Variants in LRRC4C observed in about 807,000 individuals in gnomAD.
LRRC4C encodes leucine rich repeat containing 4C.
In LRRC4C, 5 loss-of-function variants were observed where a neutral mutation model predicts 33.6. The ratio of observed to expected loss-of-function variants is 0.15; its 90% confidence interval spans 0.08 to 0.31. LRRC4C has a LOEUF of 0.31. Ranked by LOEUF, LRRC4C falls within the 10% of genes least tolerant of loss-of-function variation. The probability of loss-of-function intolerance (pLI) is 1.00; values close to 1 mark genes in which losing one functional copy is unlikely to be tolerated. For missense variants in LRRC4C, 560 were observed against 796.7 expected, an observed-to-expected ratio of 0.70 and a Z score of 3.58; for synonymous variants, 329 against 302.0, an observed-to-expected ratio of 1.09 and a Z score of -0.93.
intron 3 of LRRC4C, among the ~76,000 whole-genome samples, chr11:40,576,570 C>T (rs1261127529): frequency 1.3e-5 from 2 of 152,294 alleles, no homozygotes; most frequent in East Asian, 3.9e-4. Flanking sequence ...GTTTTCATGA[C>T]AGCTCAACGT....
intron 5 of LRRC4C, among the ~76,000 whole-genome samples, chr11:40,200,784 A>AAAG (rs1862677299): frequency 2.5e-5 from 2 of 78,440 alleles, no homozygotes; most frequent in South Asian, 4.9e-4. Context: ...AAAAAAAAAA[A>AAAG]AAAAGAAAAG....
At chr11:41,176,959 C>T (rs971207759) in intron 1 of LRRC4C, among the ~76,000 whole-genome samples, 1 of 149,460 alleles carries the variant, frequency 6.7e-6, no homozygotes, top group East Asian at 2.0e-4. Context: ...AGTAATACTC[C>T]ATCTCTATAA....
At chr11:40,482,225 GA>G (rs1039521507) in intron 3 of LRRC4C, among the ~76,000 whole-genome samples, 4 of 152,072 alleles carry the variant, frequency 2.6e-5, no homozygotes, top group Non-Finnish European at 4.4e-5. Context: ...AATGACAGGT[GA>G]AAAAAACAAA....
chr11:41,262,531 A>G (rs1444717380), intron 1 of LRRC4C, among the ~76,000 whole-genome samples: 1 of 152,144 alleles, frequency 6.6e-6, no homozygotes, highest in Non-Finnish European at 1.5e-5. Flanking sequence ...CTGCACGGAC[A>G]TAACTTTTTT....
chr11:40,706,853 C>A (rs540061964), intron 2 of LRRC4C, among the ~76,000 whole-genome samples: 16 of 152,116 alleles, frequency 1.1e-4, no homozygotes, highest in Non-Finnish European at 1.9e-4. Flanking sequence ...ATGGAATGTT[C>A]TTCCATTTGT....
intron 2 of LRRC4C, among the ~76,000 whole-genome samples, chr11:40,776,524 G>A (rs533878227): frequency 6.6e-6 from 1 of 151,918 alleles, no homozygotes; most frequent in Non-Finnish European, 1.5e-5. Context: ...GCATAGAGGT[G>A]TTCATAATAG....
At chr11:41,356,713 T>A (rs1464920568) in intron 1 of LRRC4C, among the ~76,000 whole-genome samples, 5 of 152,160 alleles carry the variant, frequency 3.3e-5, no homozygotes, top group African/African-American at 1.2e-4. Flanking sequence ...CTGATATCAT[T>A]GGTCTAAGCT....
At chr11:40,972,615 T>C (rs1851802201) in intron 1 of LRRC4C, among the ~76,000 whole-genome samples, 1 of 152,102 alleles carries the variant, frequency 6.6e-6, no homozygotes, top group Non-Finnish European at 1.5e-5. Flanking sequence ...CTGAAGAAAC[T>C]TACAATTACG....
intron 1 of LRRC4C, among the ~76,000 whole-genome samples, chr11:41,446,298 A>G (rs1955824584): frequency 6.6e-6 from 1 of 152,240 alleles, no homozygotes; most frequent in Non-Finnish European, 1.5e-5. Context: ...ATTCTCTGTA[A>G]TAAACCACCT....
intron 1 of LRRC4C, among the ~76,000 whole-genome samples, chr11:41,192,900 T>C (rs1236055575): frequency 6.6e-6 from 1 of 152,070 alleles, no homozygotes; most frequent in Non-Finnish European, 1.5e-5. Context: ...AGTCCCGAGA[T>C]GCCATTAAGA....
chr11:40,590,825 G>A (rs1450713433), intron 3 of LRRC4C, among the ~76,000 whole-genome samples: 2 of 130,270 alleles, frequency 1.5e-5, no homozygotes, highest in East Asian at 4.4e-4. Flanking sequence ...TGAGGAGGCA[G>A]TCTGCCCATT....
At chr11:40,271,834 TA>T (rs983908639) in intron 4 of LRRC4C, among the ~76,000 whole-genome samples, 2 of 152,168 alleles carry the variant, frequency 1.3e-5, no homozygotes, top group Non-Finnish European at 1.5e-5. Context: ...AGACACATAG[TA>T]ACATTTTATT....
chr11:40,888,116 T>C (rs1256034020), intron 2 of LRRC4C, among the ~76,000 whole-genome samples: 1 of 151,962 alleles, frequency 6.6e-6, no homozygotes, highest in African/African-American at 2.4e-5. Context: ...GTTAGTTAAG[T>C]AGCTTAAAAC....
intron 3 of LRRC4C, among the ~76,000 whole-genome samples, chr11:40,554,797 C>G (rs1957269051): frequency 1.6e-5 from 2 of 127,778 alleles, no homozygotes; most frequent in African/African-American, 3.4e-5. Context: ...TGTCGGCTCA[C>G]TGCAAGCTCC....
intron 1 of LRRC4C, among the ~76,000 whole-genome samples, chr11:41,432,600 G>GA (rs1955277684): frequency 1.3e-5 from 2 of 151,978 alleles, no homozygotes; most frequent in African/African-American, 4.8e-5. Context: ...GAAAATAGTA[G>GA]AAAAATAAAG....
intron 2 of LRRC4C, among the ~76,000 whole-genome samples, chr11:40,855,313 C>T (rs1014656973): frequency 1.3e-5 from 2 of 152,162 alleles, no homozygotes; most frequent in African/African-American, 2.4e-5. Context: ...TAATGAAAAA[C>T]CCAATGAAAT....
Position 40,976,648 on chromosome 11 carries a change from G to T in LRRC4C, c.-495-42925C>A, listed in dbSNP as rs141493913. On this transcript the variant is annotated intron_variant, in intron 1 of 6. Coordinates refer to ENST00000528697, the MANE Select transcript of LRRC4C (RefSeq NM_001258419.2). ...TAACAAAATGTGATTTTTGTGGAAT[G>T]GCAGAGGTTTTCTACAGTGTTTTAT... Among the ~76,000 whole-genome samples the T allele has an allele frequency of 2.0e-5, 3 of 152,284 alleles. No individual in the cohort carries two copies. The East Asian group carries it at 5.8e-4, about 29-fold the overall frequency.
At chr11:40,642,212 T>G (rs185292142) in intron 3 of LRRC4C, among the ~76,000 whole-genome samples, 25 of 152,044 alleles carry the variant, frequency 1.6e-4, no homozygotes, top group South Asian at 1.0e-3. Context: ...CAAGTATATG[T>G]GTAAAGAATG....
intron 1 of LRRC4C, among the ~76,000 whole-genome samples, chr11:41,100,923 C>G (rs1941134560): frequency 6.6e-6 from 1 of 152,104 alleles, no homozygotes; most frequent in African/African-American, 2.4e-5. Flanking sequence ...ACAAAGCTGA[C>G]AGAAACAAGC....
Sources: gnomAD v4.1 joint callset for allele counts (sites outside exome capture counted in the v4.1 genomes callset) on GRCh38, gnomAD v4.1.1 for gene constraint, MANE v1.5 for transcripts, NCBI Gene and HGNC (gene_info 2026-07-23, HGNC 2026-07-21) for gene names.